DAB2: variants seen among roughly 807,000 people sequenced by gnomAD.
The protein encoded by DAB2 is disabled homolog 2.
A neutral mutation model predicts 71.6 loss-of-function variants in DAB2; 28 were observed. That is an observed-to-expected ratio of 0.39 (90% confidence interval 0.29 to 0.54). The LOEUF is 0.54. DAB2 is among the 20% of genes least tolerant of loss of function. The probability of loss-of-function intolerance (pLI) is 0.68; values close to 1 mark genes in which losing one functional copy is unlikely to be tolerated. For synonymous variants in DAB2, 345 were observed against 339.7 expected (o/e 1.02, Z -0.17); for missense variants, 867 against 928.8 (o/e 0.93, Z 0.86).
At position 39,422,244 on chromosome 5, in the gene DAB2, C is replaced by T. The variant is rs1756007824; in HGVS notation, c.-102+2560G>A. Among the ~76,000 whole-genome samples, 1 of 152,236 alleles carries T rather than the reference C, an allele frequency of 6.6e-6. No homozygotes were observed. The highest frequency in any genetic ancestry group is 2.4e-5 in the African/African-American group (1 of 41,522). ...TGTTTCATATTGCCAATCTGGTTCC[C>T]ATTCTGGTTCTGTCTAAAGGGTAAA... On this transcript the variant is annotated intron_variant, in intron 1 of 14. Coordinates refer to ENST00000320816, the MANE Select transcript of DAB2 (RefSeq NM_001343.4). The surrounding 1 kb of genome is among the most constrained non-coding windows in gnomAD (Gnocchi z 4.1).
intron 1 of DAB2, among the ~76,000 whole-genome samples, chr5:39,410,091 T>A (rs538284544): frequency 3.3e-5 from 5 of 152,272 alleles, no homozygotes; most frequent in African/African-American, 1.2e-4. Context: ...TGGTCATCTA[T>A]TTTAGTCATC....
At chr5:39,408,352 C>T (rs372305595) in intron 1 of DAB2, 1 of 152,166 alleles carries the variant, frequency 6.6e-6, no homozygotes, top group Non-Finnish European at 1.5e-5. Flanking sequence ...TTCTAGGTGG[C>T]ATGTCCTTTG....
chr5:39,408,770 C>T (rs1475405168), intron 1 of DAB2: 2 of 152,110 alleles, frequency 1.3e-5, no homozygotes, highest in Non-Finnish European at 2.9e-5. Context: ...GCCTGACAAC[C>T]AGCCATCTCT....
intron 1 of DAB2, among the ~76,000 whole-genome samples, chr5:39,400,184 C>A (rs1418104573): frequency 6.6e-6 from 1 of 151,884 alleles, no homozygotes; most frequent in Non-Finnish European, 1.5e-5. Context: ...AGTATACCAA[C>A]CACTAAGAAC....
chr5:39,377,258 T>A lies in DAB2; in HGVS notation c.1529A>T (p.Gln510Leu). 1 of 1,613,382 alleles carries A rather than the reference T, an allele frequency of 6.2e-7. No homozygotes were observed. Among genetic ancestry groups the A allele is most frequent in the Non-Finnish European group, 8.5e-7 (1 of 1,179,576 alleles). Residue 510 changes from glutamine (Q) to leucine (L), a missense_variant, in exon 12 of 15, where the codon CAG becomes CTG. Gln to Leu is a moderately radical substitution (Grantham distance 113). Coordinates refer to ENST00000320816, the MANE Select transcript of DAB2 (RefSeq NM_001343.4). ...GLGGVTVTLP[Q>L]AGPWNTASLV... ...AGATGCTGTGTTCCATGGTCCTGCCTGAGGGAGTGTGACAGTTACACCACC... is the reference window on the plus strand; with the variant it reads ...AGATGCTGTGTTCCATGGTCCTGCCAGAGGGAGTGTGACAGTTACACCACC...
chr5:39,380,392 A>C (rs547194786), intron 11 of DAB2, among the ~76,000 whole-genome samples: 1 of 152,346 alleles, frequency 6.6e-6, no homozygotes, highest in South Asian at 2.1e-4. Flanking sequence ...GAGGAAAACA[A>C]AACAAGGATC....
chr5:39,394,177 AG>A lies in DAB2; in HGVS notation c.91+52del. ...TTTATTCTGAATCTCACATTTCTCC[AG>A]GGGTAACCATCTCTAGCTCCCTTCC... is the stretch of plus-strand genomic sequence containing the variant. On this transcript the variant is annotated intron_variant, in intron 2 of 14. Transcript: ENST00000320816. 4.3e-6 allele frequency: 6 copies of A among 1,403,434 alleles called. No homozygotes were observed. The South Asian group carries it at 4.6e-5, about 11-fold the overall frequency. The allele number at this position is 1,403,434 out of a possible 1,614,324, so 86.9% of individuals were successfully genotyped here.
chr5:39,393,001 G>A (rs1206529783), intron 3 of DAB2, among the ~76,000 whole-genome samples: 2 of 152,108 alleles, frequency 1.3e-5, no homozygotes, highest in East Asian at 1.9e-4. Flanking sequence ...CGCTTGGTTC[G>A]TCCTAATGTT....
rs1418585132 is a variant in DAB2, at chr5:39,392,381, A to G, written c.314T>C (p.Ile105Thr). 6.2e-7 allele frequency: 1 copy of G among 1,613,766 alleles called. No individual in the cohort carries two copies. The highest frequency in any genetic ancestry group is 2.2e-5 in the East Asian group (1 of 44,880). Residue 105 changes from isoleucine to threonine, a missense_variant, in exon 4 of 15, where the codon ATT becomes ACT. This residue lies in a region of DAB2 where 127 missense variants were observed against 194.4 expected (regional missense o/e 0.65). Transcript: ENST00000320816. ...AATTCTTACCCCAGTTTTCTCATCA[A>G]TTATTTTTATCCCAGAAAGGGAAAT... ...VNISLSGIKIIDEKTGVIEHE... is the reference protein window; with the variant it reads ...VNISLSGIKITDEKTGVIEHE...
In DAB2 at chr5:39,382,964, C is replaced by G. The variant is rs370444441; in HGVS notation, c.995G>C (p.Ser332Thr). Residue 332 changes from serine (S) to threonine (T), a missense_variant, in exon 10 of 15, where the codon AGT becomes ACT. By Grantham distance (58) the Ser-to-Thr change is moderately conservative. This residue lies in a region of DAB2 where 740 missense variants were observed against 734.3 expected (regional missense o/e 1.01). Transcript: ENST00000320816. ...AACATCACCATTCAGGGGCCCATTACTCAGCGGAGTAGACGAGCTACTCGA... is the reference window on the plus strand; with the variant it reads ...AACATCACCATTCAGGGGCCCATTAGTCAGCGGAGTAGACGAGCTACTCGA... ...ENSSSSSTPL[S>T]NGPLNGDVDY... The G allele has an allele frequency of 1.9e-5, 31 of 1,614,038 alleles. No individual in the cohort carries two copies. In the East Asian group the frequency reaches 6.2e-4, roughly 32 times the overall value.
At chr5:39,401,300 C>G (rs1236941377) in intron 1 of DAB2, among the ~76,000 whole-genome samples, 2 of 152,204 alleles carry the variant, frequency 1.3e-5, no homozygotes, top group African/African-American at 2.4e-5. Context: ...GAGCTATCCA[C>G]AAGTTATGCA....
intron 3 of DAB2, among the ~76,000 whole-genome samples, chr5:39,392,824 A>G (rs1419370608): frequency 2.6e-5 from 4 of 152,224 alleles, no homozygotes; most frequent in Non-Finnish European, 2.9e-5. Flanking sequence ...TTTAAATTCA[A>G]AAAACAGAAA....
In DAB2 at chr5:39,422,751, C is replaced by A. The variant is rs1226715924; in HGVS notation, c.-102+2053G>T. Among the ~76,000 whole-genome samples, 1 of 152,128 alleles carries A rather than the reference C, an allele frequency of 6.6e-6. No individual in the cohort carries two copies. The highest frequency in any genetic ancestry group is 2.4e-5 in the African/African-American group (1 of 41,410). On this transcript the variant is annotated intron_variant, in intron 1 of 14. Transcript: ENST00000320816. The surrounding 1 kb of genome is among the most constrained non-coding windows in gnomAD (Gnocchi z 4.1). Reference sequence around the variant, plus strand: ...CAGAGGTCCCTGTACTACCTTCATGCCAACAAGTGCCTTAAAAGCCGTACC... The same window carrying A: ...CAGAGGTCCCTGTACTACCTTCATGACAACAAGTGCCTTAAAAGCCGTACC...
At chr5:39,403,311 G>T (rs1755542165) in intron 1 of DAB2, among the ~76,000 whole-genome samples, 1 of 152,216 alleles carries the variant, frequency 6.6e-6, no homozygotes, top group African/African-American at 2.4e-5. Flanking sequence ...GCATGAGACT[G>T]TAATGCCTTA....
At chr5:39,421,634 G>A (rs11951093) in intron 1 of DAB2, among the ~76,000 whole-genome samples, 55,596 of 152,054 alleles carry the variant, frequency 0.37, 10,599 homozygotes, top group Middle Eastern at 0.44. Context: ...CCAGGAATTT[G>A]CTTGTTTTCT....
At chr5:39,388,075 T>C (rs1031360745) in intron 9 of DAB2, 7 of 457,526 alleles carry the variant, frequency 1.5e-5, no homozygotes, top group Non-Finnish European at 2.7e-5. Flanking sequence ...CATTGCTGAC[T>C]TATTGTTCAG....
At position 39,390,594 on chromosome 5, in the gene DAB2, G is replaced by C; in HGVS notation, c.331-19C>G. On this transcript the variant is annotated intron_variant, in intron 4 of 14. Transcript: ENST00000320816. ...CTATTACCTTAAAAAAGAACATAAAGAGTAATTTATTAAGAAAACTAGAAT... is the reference window on the plus strand; with the variant it reads ...CTATTACCTTAAAAAAGAACATAAACAGTAATTTATTAAGAAAACTAGAAT... 1 of 1,588,402 alleles carries C rather than the reference G, an allele frequency of 6.3e-7. No individual in the cohort carries two copies. Among genetic ancestry groups the C allele is most frequent in the Non-Finnish European group, 8.6e-7 (1 of 1,161,676 alleles).
chr5:39,376,824 A>G lies in DAB2; in HGVS notation c.1963T>C (p.Phe655Leu), dbSNP rs758282513. The G allele has an allele frequency of 6.2e-7, 1 of 1,614,032 alleles. No homozygotes were observed. The highest frequency in any genetic ancestry group is 2.2e-5 in the East Asian group (1 of 44,850). ...DKEIKDVKEMFKDFQLRQPPA... is the reference protein window; with the variant it reads ...DKEIKDVKEMLKDFQLRQPPA... ...GGCTGCCGCAGTTGGAAATCCTTAA[A>G]CATTTCTTTCACATCCTTGATCTCT... is the stretch of plus-strand genomic sequence containing the variant. The change falls in exon 12 of 15, where the codon TTT (phenylalanine) becomes CTT (leucine). Residue 655 changes from phenylalanine (F) to leucine (L), a missense_variant. Phe to Leu is a conservative substitution (Grantham distance 22, BLOSUM62 0). Transcript: ENST00000320816.
chr5:39,397,759 A>T (rs1755400259), intron 1 of DAB2, among the ~76,000 whole-genome samples: 1 of 152,218 alleles, frequency 6.6e-6, no homozygotes, highest in Admixed American at 6.5e-5. Context: ...TCACTTGAAT[A>T]TTAATCCTTA....
Sources: gnomAD v4.1 joint callset for allele counts (sites outside exome capture counted in the v4.1 genomes callset) on GRCh38, gnomAD v4.1.1 for gene constraint, gnomAD v4.1.1 regional missense constraint, Gnocchi (gnomAD v3.1) non-coding constraint, MANE v1.5 for transcripts, NCBI Gene and HGNC (gene_info 2026-07-23, HGNC 2026-07-21) for gene names.